Variants in JAKMIP1 observed in about 807,000 individuals in gnomAD.
The protein encoded by JAKMIP1 is janus kinase and microtubule-interacting protein 1.
A neutral mutation model predicts 113.0 loss-of-function variants in JAKMIP1; 33 were observed. The observed-to-expected ratio is 0.29, with a 90% CI of 0.22 to 0.39. The LOEUF is 0.39. Among genes scored for constraint, JAKMIP1 ranks in the 10% least tolerant of loss-of-function variants. The probability of loss-of-function intolerance (pLI) is 1.00; values close to 1 mark genes in which losing one functional copy is unlikely to be tolerated. For synonymous variants in JAKMIP1, 480 were observed against 459.9 expected, an observed-to-expected ratio of 1.04 and a Z score of -0.56; for missense variants, 813 against 1,080.5, an observed-to-expected ratio of 0.75 and a Z score of 3.47.
Position 6,194,771 on chromosome 4 carries a change from G to A in JAKMIP1, c.-148+5482C>T, listed in dbSNP as rs1198541118. Among the ~76,000 whole-genome samples the A allele has an allele frequency of 5.3e-5, 8 of 152,284 alleles. No homozygotes were observed. The highest frequency in any genetic ancestry group is 5.2e-4 in the Admixed American group (8 of 15,302). ...TTTCATTCCTTAAAGTGGCCCTTCA[G>A]CCAGTCTAAGCCACGGTGGGAGACA... On this transcript the variant is annotated intron_variant, in intron 1 of 20. Coordinates refer to ENST00000409021, the MANE Select transcript of JAKMIP1 (RefSeq NM_001099433.2). This position sits in a 1 kb window ranked among gnomAD's most constrained non-coding sequence, Gnocchi z 7.4.
chr4:6,073,743 C>T (rs3901458), intron 8 of JAKMIP1, among the ~76,000 whole-genome samples: 41,817 of 152,124 alleles, frequency 0.27, 6,432 homozygotes, highest in East Asian at 0.57. Flanking sequence ...GATGACTTGG[C>T]CAATCCCATC....
chr4:6,037,298 C>T (rs1369704592), intron 18 of JAKMIP1, among the ~76,000 whole-genome samples: 3 of 116,570 alleles, frequency 2.6e-5, no homozygotes, highest in African/African-American at 1.6e-4. Flanking sequence ...CCTCCAACAC[C>T]AAGGCAGAGG....
Position 6,031,620 on chromosome 4 carries a change from C to T in JAKMIP1, c.2380-1839G>A, listed in dbSNP as rs781493581. Reference sequence around the variant, plus strand: ...AGAGGGTCTGGAATGGCCCATGTCCCGATGAGGTGCTCACAGCTTTGGGGT... The same window carrying T: ...AGAGGGTCTGGAATGGCCCATGTCCTGATGAGGTGCTCACAGCTTTGGGGT... On this transcript the variant is annotated intron_variant, in intron 19 of 20. Transcript: ENST00000409021. This position sits in a 1 kb window ranked among gnomAD's most constrained non-coding sequence, Gnocchi z 4.4. Among the ~76,000 whole-genome samples, 3 of 152,110 alleles carry T rather than the reference C, an allele frequency of 2.0e-5. No individual in the cohort carries two copies. The highest frequency in any genetic ancestry group is 4.8e-5 in the African/African-American group (2 of 41,430).
At chr4:6,125,283 G>A (rs1408966911) in intron 1 of JAKMIP1, among the ~76,000 whole-genome samples, 4 of 152,022 alleles carry the variant, frequency 2.6e-5, no homozygotes, top group Non-Finnish European at 5.9e-5. Context: ...CCCCCACCCG[G>A]GCTGGCTGAC....
chr4:6,035,361 G>A (rs1440581331), intron 19 of JAKMIP1, among the ~76,000 whole-genome samples: 6 of 152,032 alleles, frequency 3.9e-5, no homozygotes, highest in Non-Finnish European at 5.9e-5. Context: ...CATGGTGAGC[G>A]CCCGACAAAT....
At chr4:6,132,105 T>A (rs1718584531) in intron 1 of JAKMIP1, among the ~76,000 whole-genome samples, 1 of 152,158 alleles carries the variant, frequency 6.6e-6, no homozygotes, top group African/African-American at 2.4e-5. Context: ...TTTGAAATAA[T>A]AACAGCAACA....
chr4:6,053,349 A>G (rs536446485), intron 13 of JAKMIP1, among the ~76,000 whole-genome samples: 37 of 152,368 alleles, frequency 2.4e-4, no homozygotes, highest in South Asian at 2.3e-3. Context: ...TCCCTCCAGT[A>G]GTTTTGAGGT....
At position 6,162,831 on chromosome 4, in the gene JAKMIP1, G is replaced by A. The variant is rs1723132210; in HGVS notation, c.-148+37422C>T. ...AAAGCCTGGGTCCCTAACCATCAAG[G>A]ACTCTCTTGAATCCAAAGCCACTCA... On this transcript the variant is annotated intron_variant, in intron 1 of 20. Coordinates refer to ENST00000409021, the MANE Select transcript of JAKMIP1 (RefSeq NM_001099433.2). This position sits in a 1 kb window ranked among gnomAD's most constrained non-coding sequence, Gnocchi z 5.6. Among the ~76,000 whole-genome samples the A allele has an allele frequency of 6.6e-6, 1 of 152,078 alleles. No individual in the cohort carries two copies. The highest frequency in any genetic ancestry group is 1.5e-5 in the Non-Finnish European group (1 of 68,014).
rs1439226766 is a variant in JAKMIP1, at chr4:6,140,240, C to CT, written c.-147-27244dup. 1.3e-5 allele frequency among the ~76,000 whole-genome samples: 2 copies of CT among 149,534 alleles called. No individual in the cohort carries two copies. Among genetic ancestry groups the CT allele is most frequent in the African/African-American group, 2.5e-5 (1 of 40,632 alleles). Reference sequence around the variant, plus strand: ...GACATTTGGGCTGCTCCCTATTTTTCTTTTTTCCTCTTTTTTTTTTTTTTT... The same window carrying CT: ...GACATTTGGGCTGCTCCCTATTTTTCTTTTTTTCCTCTTTTTTTTTTTTTTT... On this transcript the variant is annotated intron_variant, in intron 1 of 20. Coordinates refer to ENST00000409021, the MANE Select transcript of JAKMIP1 (RefSeq NM_001099433.2). This position sits in a 1 kb window ranked among gnomAD's most constrained non-coding sequence, Gnocchi z 9.4.
chr4:6,037,735 G>A (rs566701648), intron 18 of JAKMIP1, among the ~76,000 whole-genome samples: 37 of 135,172 alleles, frequency 2.7e-4, no homozygotes, highest in African/African-American at 9.0e-4. Context: ...CTCCATCACC[G>A]AGGCAGAGGC....
Position 6,089,999 on chromosome 4 carries a change from A to C in JAKMIP1, c.625-4370T>G, listed in dbSNP as rs1246210965. Among the ~76,000 whole-genome samples, 1 of 152,156 alleles carries C rather than the reference A, an allele frequency of 6.6e-6. No individual in the cohort carries two copies. Among genetic ancestry groups the C allele is most frequent in the Non-Finnish European group, 1.5e-5 (1 of 68,036 alleles). On this transcript the variant is annotated intron_variant, in intron 3 of 20. Coordinates refer to ENST00000409021, the MANE Select transcript of JAKMIP1 (RefSeq NM_001099433.2). This position sits in a 1 kb window ranked among gnomAD's most constrained non-coding sequence, Gnocchi z 5.3. ...CACTTTGGGAGGCCGAGGCAGGCGA[A>C]TCACCTGGGGTCAGGAGTCTGAGAC...
At position 6,138,859 on chromosome 4, in the gene JAKMIP1, G is replaced by A. The variant is rs75977640; in HGVS notation, c.-147-25862C>T. ...TCATAGTACCTGCCCCGGCAAAAGC[G>A]AATGCGCACAGAGCACTTTCAACAG... On this transcript the variant is annotated intron_variant, in intron 1 of 20. Transcript: ENST00000409021. The surrounding 1 kb of genome is among the most constrained non-coding windows in gnomAD (Gnocchi z 6.0). Among the ~76,000 whole-genome samples, 2,759 of 152,200 alleles carry A rather than the reference G, an allele frequency of 0.018. 93 individuals are homozygous for A. The highest frequency in any genetic ancestry group is 0.058 in the African/African-American group (2,420 of 41,490).
chr4:6,177,155 G>C (rs1470602200), intron 1 of JAKMIP1, among the ~76,000 whole-genome samples: 1 of 152,182 alleles, frequency 6.6e-6, no homozygotes, highest in Non-Finnish European at 1.5e-5. Context: ...GGGTAGGAGG[G>C]TGTTGGTAGA....
Position 6,183,163 on chromosome 4 carries a change from G to A in JAKMIP1, c.-148+17090C>T, listed in dbSNP as rs1274451014. ...AGACACACAGATACAGGTGCCCTGC[G>A]AAGGGGTGCTGGCTGATGTCTAAAA... On this transcript the variant is annotated intron_variant, in intron 1 of 20. Coordinates refer to ENST00000409021, the MANE Select transcript of JAKMIP1 (RefSeq NM_001099433.2). The surrounding 1 kb of genome is among the most constrained non-coding windows in gnomAD (Gnocchi z 5.3). Among the ~76,000 whole-genome samples, 4 of 152,180 alleles carry A rather than the reference G, an allele frequency of 2.6e-5. No individual in the cohort carries two copies. Among genetic ancestry groups the A allele is most frequent in the East Asian group, 1.9e-4 (1 of 5,190 alleles).
chr4:6,052,303 C>T (rs954831832), intron 13 of JAKMIP1, among the ~76,000 whole-genome samples: 15 of 151,952 alleles, frequency 9.9e-5, no homozygotes, highest in Admixed American at 9.2e-4. Context: ...ACTTAAATGG[C>T]GTCCCCATAG....
chr4:6,073,405 G>A (rs1047435816), intron 8 of JAKMIP1, among the ~76,000 whole-genome samples: 3 of 152,194 alleles, frequency 2.0e-5, no homozygotes, highest in African/African-American at 7.2e-5. Context: ...TGAAGCACTG[G>A]CCCAAGAAAG....
Position 6,071,600 on chromosome 4 carries a change from A to G in JAKMIP1, c.1303-6592T>C, listed in dbSNP as rs1718969185. On this transcript the variant is annotated intron_variant, in intron 8 of 20. Coordinates refer to ENST00000409021, the MANE Select transcript of JAKMIP1 (RefSeq NM_001099433.2). ...GCACCTGTCCCTTCCCAAGTCTGCA[A>G]ATGGGAGTTGGATGTCCCCATGGTG... Among the ~76,000 whole-genome samples the G allele has an allele frequency of 2.0e-5, 3 of 152,186 alleles. No homozygotes were observed. The South Asian group carries it at 6.2e-4, about 31-fold the overall frequency.
chr4:6,034,965 G>A (rs887078625), intron 19 of JAKMIP1, among the ~76,000 whole-genome samples: 3 of 152,136 alleles, frequency 2.0e-5, no homozygotes, highest in Non-Finnish European at 1.5e-5. Flanking sequence ...TGAGCTCCCC[G>A]AGGAGAGGAG....
chr4:6,060,722 G>T (rs1008634152), intron 10 of JAKMIP1, among the ~76,000 whole-genome samples: 2 of 152,194 alleles, frequency 1.3e-5, no homozygotes, highest in South Asian at 4.1e-4. Flanking sequence ...AGCCTTGTTT[G>T]GTTTTACAAA....
Sources: allele counts gnomAD v4.1 joint callset (sites outside exome capture counted in the v4.1 genomes callset), GRCh38; gene constraint gnomAD v4.1.1; non-coding constraint Gnocchi (gnomAD v3.1); transcripts MANE v1.5; gene names NCBI Gene and HGNC (gene_info 2026-07-23, HGNC 2026-07-21).